The following DAB1 variants were observed in gnomAD, a reference collection of about 807,000 sequenced individuals.
The protein encoded by DAB1 is DAB adaptor protein 1.
A neutral mutation model predicts 64.6 loss-of-function variants in DAB1; 15 were observed. That is an observed-to-expected ratio of 0.23 (90% CI 0.16 to 0.36). The LOEUF is 0.36. Ranked by LOEUF, DAB1 falls within the 10% of genes least tolerant of loss-of-function variation. The pLI is 1.00. For missense variants in DAB1, 596 were observed against 706.7 expected (o/e 0.84, Z 1.78); for synonymous variants, 235 against 251.9 (o/e 0.93, Z 0.64).
chr1:58,536,761 T>A (rs761177918), intron 1 of DAB1: 1 of 864,342 alleles, frequency 1.2e-6, no homozygotes, highest in South Asian at 1.3e-5. Context: ...AAAGAAAAAT[T>A]CAAAGTTCTG....
At chr1:58,009,847 G>T (rs748420744) in intron 5 of DAB1, among the ~76,000 whole-genome samples, 6 of 152,156 alleles carry the variant, frequency 3.9e-5, no homozygotes, top group Admixed American at 2.0e-4. Flanking sequence ...GTCTGATAAT[G>T]ATGATGATAA....
intron 3 of DAB1, among the ~76,000 whole-genome samples, chr1:58,454,932 G>A (rs1299990182): frequency 2.6e-5 from 4 of 152,066 alleles, no homozygotes; most frequent in Non-Finnish European, 5.9e-5. Flanking sequence ...ACCTGCCCTC[G>A]TGCTGCCTTC....
intron 2 of DAB1, among the ~76,000 whole-genome samples, chr1:57,270,351 G>C (rs546332014): frequency 6.6e-6 from 1 of 152,162 alleles, no homozygotes; most frequent in Non-Finnish European, 1.5e-5. Context: ...TGAGATGTGG[G>C]TATCAAACAA....
intron 5 of DAB1, among the ~76,000 whole-genome samples, chr1:57,933,434 T>C (rs1376029762): frequency 6.6e-6 from 1 of 152,164 alleles, no homozygotes; most frequent in Non-Finnish European, 1.5e-5. Context: ...CCTTTTTTTT[T>C]ACAATAGGTT....
chr1:57,202,730 G>A (rs1569873702), intron 2 of DAB1, among the ~76,000 whole-genome samples: 2 of 152,258 alleles, frequency 1.3e-5, no homozygotes, highest in Non-Finnish European at 2.9e-5. Context: ...CTGTAATCAA[G>A]TTATCACACT....
intron 1 of DAB1, among the ~76,000 whole-genome samples, chr1:57,342,054 G>A (rs1570322106): frequency 6.6e-6 from 1 of 152,300 alleles, no homozygotes; most frequent in East Asian, 1.9e-4. Flanking sequence ...TTATGCCAAT[G>A]GAGGAAATTG....
intron 7 of DAB1, among the ~76,000 whole-genome samples, chr1:57,528,659 C>G (rs980319975): frequency 3.3e-4 from 50 of 151,576 alleles, no homozygotes; most frequent in Admixed American, 7.2e-4. Flanking sequence ...CACACACACA[C>G]ACACACACAC....
chr1:58,340,011 CAAG>C (rs974682272), intron 4 of DAB1, among the ~76,000 whole-genome samples: 1 of 152,120 alleles, frequency 6.6e-6, no homozygotes, highest in African/African-American at 2.4e-5. Flanking sequence ...GCTAATTTTT[CAAG>C]AAGATTTCTA....
At chr1:57,745,451 T>C (rs1182520112) in intron 6 of DAB1, among the ~76,000 whole-genome samples, 2 of 152,240 alleles carry the variant, frequency 1.3e-5, no homozygotes, top group Non-Finnish European at 2.9e-5. Context: ...GTTAAGTCTA[T>C]ATCCAGAGAT....
intron 5 of DAB1, among the ~76,000 whole-genome samples, chr1:58,074,757 C>A (rs1185263142): frequency 6.6e-6 from 1 of 151,630 alleles, no homozygotes; most frequent in Non-Finnish European, 1.5e-5. Context: ...TTAGATTCCC[C>A]AGGCGAAAAT....
At chr1:57,306,985 C>T (rs1176937777) in intron 1 of DAB1, 2 of 152,024 alleles carry the variant, frequency 1.3e-5, no homozygotes, top group African/African-American at 2.4e-5. Context: ...GGCCTGAGGC[C>T]CAAACAACTC....
intron 6 of DAB1, among the ~76,000 whole-genome samples, chr1:57,753,663 G>A (rs1648656839): frequency 6.6e-6 from 1 of 152,100 alleles, no homozygotes; most frequent in Non-Finnish European, 1.5e-5. Context: ...TCATCCTATT[G>A]TTGCCCTCTT....
intron 7 of DAB1, among the ~76,000 whole-genome samples, chr1:57,445,431 A>G (rs1053028019): frequency 6.6e-6 from 1 of 152,174 alleles, no homozygotes; most frequent in Non-Finnish European, 1.5e-5. Flanking sequence ...ACCAGCATCT[A>G]CTATGGTATC....
chr1:57,127,190 A>G (rs1489575099), intron 4 of DAB1, among the ~76,000 whole-genome samples: 1 of 152,212 alleles, frequency 6.6e-6, no homozygotes, highest in Non-Finnish European at 1.5e-5. Context: ...AGGGAGATAG[A>G]AAAACAATAA....
At chr1:57,470,923 T>G (rs1687113239) in intron 7 of DAB1, among the ~76,000 whole-genome samples, 1 of 152,082 alleles carries the variant, frequency 6.6e-6, no homozygotes, top group African/African-American at 2.4e-5. Flanking sequence ...GTTCTCAGAG[T>G]TTTAGATAAA....
intron 7 of DAB1, among the ~76,000 whole-genome samples, chr1:57,611,851 C>T (rs1645730496): frequency 1.3e-5 from 2 of 152,320 alleles, no homozygotes; most frequent in South Asian, 4.1e-4. Context: ...CATTCCTCTG[C>T]TATAAATCCT....
chr1:57,259,769 C>T (rs1211719516), intron 2 of DAB1, among the ~76,000 whole-genome samples: 1 of 152,214 alleles, frequency 6.6e-6, no homozygotes, highest in Admixed American at 6.5e-5. Flanking sequence ...CTGCCAATTA[C>T]TTCTGAGCTT....
At chr1:58,339,613 T>G (rs1185423380) in intron 4 of DAB1, among the ~76,000 whole-genome samples, 2 of 152,074 alleles carry the variant, frequency 1.3e-5, no homozygotes, top group African/African-American at 4.8e-5. Context: ...TTTGTAAAAT[T>G]TATTTCTCCT....
intron 3 of DAB1, among the ~76,000 whole-genome samples, chr1:57,144,545 T>C (rs1170929870): frequency 6.6e-6 from 1 of 151,890 alleles, no homozygotes; most frequent in Non-Finnish European, 1.5e-5. Flanking sequence ...AATACAAAAA[T>C]TAGCCAGGCC....
Sources: allele counts gnomAD v4.1 joint callset (sites outside exome capture counted in the v4.1 genomes callset), GRCh38; gene constraint gnomAD v4.1.1; transcripts MANE v1.5; gene names NCBI Gene and HGNC (gene_info 2026-07-23, HGNC 2026-07-21).